Variants in RASA2 observed in about 807,000 individuals in gnomAD.
The protein encoded by RASA2 is RAS p21 protein activator 2.
A neutral mutation model predicts 118.2 loss-of-function variants in RASA2; 155 were observed. That is an observed-to-expected ratio of 1.31 (90% CI 1.15 to 1.50). The LOEUF (loss-of-function observed/expected upper bound fraction) is 1.50. Ranked by LOEUF, RASA2 falls within the 40% of genes most tolerant of loss-of-function variation. The pLI is 0.00. For missense variants in RASA2, 1,016 were observed against 1,009.6 expected, an observed-to-expected ratio of 1.01 and a Z score of -0.09; for synonymous variants, 353 against 349.1, an observed-to-expected ratio of 1.01 and a Z score of -0.12.
chr3:141,541,395 A>G (rs1198690999), intron 5 of RASA2, among the ~76,000 whole-genome samples: 1 of 152,106 alleles, frequency 6.6e-6, no homozygotes, highest in Non-Finnish European at 1.5e-5. Flanking sequence ...TTCTATCTGT[A>G]TATAAATATG....
intron 3 of RASA2, among the ~76,000 whole-genome samples, chr3:141,528,232 A>G (rs942806018): frequency 1.3e-5 from 2 of 151,938 alleles, no homozygotes; most frequent in African/African-American, 4.8e-5. Context: ...TTAAAATTAG[A>G]TGTATCGATT....
rs1560067804 is a variant in RASA2 at position 141,608,698 on chromosome 3, G to GT, written c.2225+2dup. ...CTCTCGGCTGCAAGCCATGTACTGC[G>GT]TAAGTTTCTTTCTGATTATAAAAGC... On this transcript the variant is annotated splice_donor_variant, in intron 21 of 23. Coordinates refer to ENST00000286364, the MANE Select transcript of RASA2 (RefSeq NM_006506.5). LOFTEE classifies it high-confidence loss of function. 2 of 1,610,706 alleles carry GT rather than the reference G, an allele frequency of 1.2e-6. No individual in the cohort carries two copies. Among genetic ancestry groups the GT allele is most frequent in the East Asian group, 2.2e-5 (1 of 44,876 alleles).
chr3:141,547,744 G>T (rs2082507802), intron 5 of RASA2, among the ~76,000 whole-genome samples: 1 of 152,098 alleles, frequency 6.6e-6, no homozygotes, highest in Non-Finnish European at 1.5e-5. Flanking sequence ...GTGAAAGTGG[G>T]CATCCTTGTC....
In RASA2 at chr3:141,597,385, G is replaced by A. The variant is rs768623315; in HGVS notation, c.1934-10293G>A. 8.5e-5 allele frequency among the ~76,000 whole-genome samples: 13 copies of A among 152,178 alleles called. 1 individual carries two copies. The highest frequency in any genetic ancestry group is 1.9e-4 in the Non-Finnish European group (13 of 68,046). Reference sequence around the variant, plus strand: ...TACTGCATGATTCCATTTATACGAAGTGTCCAGAAAAGACAAAGGTATAGG... The same window carrying A: ...TACTGCATGATTCCATTTATACGAAATGTCCAGAAAAGACAAAGGTATAGG... On this transcript the variant is annotated intron_variant, in intron 19 of 23. Transcript: ENST00000286364.
chr3:141,568,313 AACTG>A (rs1449940206), intron 9 of RASA2, among the ~76,000 whole-genome samples: 3 of 152,220 alleles, frequency 2.0e-5, no homozygotes, highest in African/African-American at 4.8e-5. Context: ...CATTTTTGTA[AACTG>A]ACTAATAGGC....
intron 9 of RASA2, among the ~76,000 whole-genome samples, chr3:141,560,907 A>T (rs866486127): frequency 2.6e-5 from 4 of 152,158 alleles, no homozygotes; most frequent in African/African-American, 9.7e-5. Flanking sequence ...CTGATTGGCC[A>T]TCAGACATCT....
intron 1 of RASA2, among the ~76,000 whole-genome samples, chr3:141,510,411 C>A (rs2081933844): frequency 6.6e-6 from 1 of 152,108 alleles, no homozygotes; most frequent in South Asian, 2.1e-4. Flanking sequence ...ATTTAATATT[C>A]CTTCAACAAA....
chr3:141,502,041 T>G (rs2151073273), intron 1 of RASA2, among the ~76,000 whole-genome samples: 1 of 152,322 alleles, frequency 6.6e-6, no homozygotes, highest in East Asian at 1.9e-4. Flanking sequence ...AACATGATTC[T>G]CAAAGGAAAT....
At chr3:141,539,765 T>C (rs573428624) in intron 4 of RASA2, among the ~76,000 whole-genome samples, 1 of 152,352 alleles carries the variant, frequency 6.6e-6, no homozygotes, top group East Asian at 1.9e-4. Context: ...TAGATTATAT[T>C]GTTCCTAAGC....
rs2082911246 is a variant in RASA2 at position 141,571,059 on chromosome 3, A to G, written c.1011A>G (p.Pro337=). The G allele has an allele frequency of 6.2e-7, 1 of 1,600,086 alleles. No homozygotes were observed. The highest frequency in any genetic ancestry group is 1.7e-4 in the Middle Eastern group (1 of 6,018). ...GPLKTLLLKS[P]DVQPISASAA... is the part of the protein sequence containing the mutation. ...TGAAAACTTTGCTGCTAAAATCACC[A>G]GATGTTCAAGTATGTTAAGAATCTT... The change falls in exon 10 of 24, where the codon CCA becomes CCG. Residue 337 remains proline (P), a synonymous_variant. Coordinates refer to ENST00000286364, the MANE Select transcript of RASA2 (RefSeq NM_006506.5).
chr3:141,574,334 C>T (rs1033753383), intron 14 of RASA2, among the ~76,000 whole-genome samples: 46 of 151,810 alleles, frequency 3.0e-4, no homozygotes, highest in African/African-American at 9.0e-4. Flanking sequence ...GGACTACAGG[C>T]GCCCGCCACC....
At chr3:141,563,941 A>G (rs953236884) in intron 9 of RASA2, among the ~76,000 whole-genome samples, 1 of 150,022 alleles carries the variant, frequency 6.7e-6, no homozygotes, top group African/African-American at 2.4e-5. Context: ...TTTTCAAGGG[A>G]TGGGTAAAAC....
At chr3:141,519,636 A>G (rs1036677265) in intron 3 of RASA2, among the ~76,000 whole-genome samples, 1 of 152,150 alleles carries the variant, frequency 6.6e-6, no homozygotes, top group Non-Finnish European at 1.5e-5. Flanking sequence ...AGACATTTTC[A>G]TGGTGGTGTA....
intron 3 of RASA2, among the ~76,000 whole-genome samples, chr3:141,527,245 A>G (rs1221363536): frequency 1.3e-5 from 2 of 152,196 alleles, no homozygotes; most frequent in Non-Finnish European, 2.9e-5. Context: ...GTATGTACAT[A>G]TGTACATCTA....
At chr3:141,544,716 A>G (rs2082458382) in intron 5 of RASA2, among the ~76,000 whole-genome samples, 1 of 152,194 alleles carries the variant, frequency 6.6e-6, no homozygotes, top group Non-Finnish European at 1.5e-5. Flanking sequence ...ATTATTCACA[A>G]TAGCAAAGAC....
chr3:141,599,242 T>TTA (rs1491262854), intron 19 of RASA2, among the ~76,000 whole-genome samples: 1 of 124,930 alleles, frequency 8.0e-6, no homozygotes, highest in African/African-American at 2.9e-5. Context: ...GTTTTTTGGG[T>TTA]TTTTTTTTTT....
intron 14 of RASA2, 67 bp downstream of exon 14, chr3:141,574,134 CAT>C (rs2082970188): frequency 4.6e-6 from 5 of 1,088,650 alleles, no homozygotes; most frequent in Non-Finnish European, 6.1e-6. Context: ...ATATTAATTA[CAT>C]GTTTGGTTTG....
chr3:141,533,380 C>T (rs941677001), intron 4 of RASA2, among the ~76,000 whole-genome samples: 14 of 152,140 alleles, frequency 9.2e-5, no homozygotes, highest in African/African-American at 3.4e-4. Context: ...CTAGTTCTAC[C>T]ACTAATTAGC....
chr3:141,553,871 A>G lies in RASA2; in HGVS notation c.542A>G (p.His181Arg), dbSNP rs758176967. Reference protein sequence around the residue: ...QQLVVHIKACHGLPLINGQSC... With the variant: ...QQLVVHIKACRGLPLINGQSC... ...TTCTACCTTAGCATCAAGGCATGCCATGGGTTGCCTCTCATAAATGGCCAA... is the reference window on the plus strand; with the variant it reads ...TTCTACCTTAGCATCAAGGCATGCCGTGGGTTGCCTCTCATAAATGGCCAA... Residue 181 changes from histidine (H) to arginine (R), a missense_variant, in exon 6 of 24, where the codon CAT becomes CGT. This residue lies in a region of RASA2 where 896 missense variants were observed against 836.4 expected (regional missense o/e 1.07). Transcript: ENST00000286364. 1.2e-6 allele frequency: 2 copies of G among 1,612,170 alleles called. No individual in the cohort carries two copies. The highest frequency in any genetic ancestry group is 1.7e-6 in the Non-Finnish European group (2 of 1,178,992).
Sources: allele counts gnomAD v4.1 joint callset (sites outside exome capture counted in the v4.1 genomes callset), GRCh38; gene constraint gnomAD v4.1.1; regional missense constraint gnomAD v4.1.1; transcripts MANE v1.5; gene names NCBI Gene and HGNC (gene_info 2026-07-23, HGNC 2026-07-21).